Variants in MAPK10 observed in about 807,000 individuals in gnomAD.
MAPK10 encodes mitogen-activated protein kinase 10.
A neutral mutation model predicts 59.3 loss-of-function variants in MAPK10; 25 were observed. The observed-to-expected ratio is 0.42, with a 90% confidence interval of 0.31 to 0.59. MAPK10 has a LOEUF of 0.59. MAPK10 is among the 20% of genes least tolerant of loss of function. The pLI is 0.15. For missense variants in MAPK10, 351 were observed against 568.9 expected (o/e 0.62, Z 3.90); for synonymous variants, 190 against 200.5 (o/e 0.95, Z 0.44).
chr4:86,289,555 T>G (rs1363150146), intron 2 of MAPK10, among the ~76,000 whole-genome samples: 1 of 150,680 alleles, frequency 6.6e-6, no homozygotes, highest in East Asian at 1.9e-4. Context: ...AAATTATGTT[T>G]CTATATTTAT....
chr4:86,302,436 C>T (rs115141810), intron 2 of MAPK10, among the ~76,000 whole-genome samples: 30 of 152,276 alleles, frequency 2.0e-4, no homozygotes, highest in African/African-American at 6.7e-4. Context: ...CATTTGGCAA[C>T]ACCACACAGC....
Position 86,423,696 on chromosome 4 carries a change from T to C in MAPK10, c.-122+29334A>G, listed in dbSNP as rs537060231. Among the ~76,000 whole-genome samples the C allele has an allele frequency of 2.1e-4, 31 of 150,304 alleles. No individual in the cohort carries two copies. The South Asian group carries it at 6.1e-3, about 30-fold the overall frequency. ...GAATGGTGTGAGACTTCACCTATTGTGTGTTATGAGTACTAAGTAGCCTGG... is the reference window on the plus strand; with the variant it reads ...GAATGGTGTGAGACTTCACCTATTGCGTGTTATGAGTACTAAGTAGCCTGG... On this transcript the variant is annotated intron_variant, in intron 1 of 13. Coordinates refer to the MAPK10 transcript ENST00000361569.
intron 1 of MAPK10, among the ~76,000 whole-genome samples, chr4:86,496,802 C>A (rs528482511): frequency 2.0e-5 from 3 of 152,214 alleles, no homozygotes; most frequent in Middle Eastern, 3.4e-3. Flanking sequence ...ATTCCCCCCC[C>A]ACCCAACAAA....
At chr4:86,376,226 C>A (rs1739790234) in intron 1 of MAPK10, among the ~76,000 whole-genome samples, 1 of 152,114 alleles carries the variant, frequency 6.6e-6, no homozygotes, top group Non-Finnish European at 1.5e-5. Context: ...ATCTTTTCTT[C>A]TCCCCACTCA....
At chr4:86,376,110 A>G (rs961776552) in intron 1 of MAPK10, among the ~76,000 whole-genome samples, 1 of 152,302 alleles carries the variant, frequency 6.6e-6, no homozygotes, top group Non-Finnish European at 1.5e-5. Flanking sequence ...CAATAACATC[A>G]CTTGCTTCTA....
chr4:86,027,852 A>T (rs748374138), intron 13 of MAPK10: 1 of 152,218 alleles, frequency 6.6e-6, no homozygotes, highest in African/African-American at 2.4e-5. Flanking sequence ...TATAGAAAGG[A>T]AAGATCCTAT....
chr4:86,147,712 TTTA>T (rs1415222731), intron 4 of MAPK10, among the ~76,000 whole-genome samples: 2 of 152,238 alleles, frequency 1.3e-5, no homozygotes, highest in Admixed American at 6.5e-5. Context: ...ATCTGTGATA[TTTA>T]TTATCAAATC....
intron 3 of MAPK10, among the ~76,000 whole-genome samples, chr4:86,173,372 A>G (rs1342749930): frequency 1.3e-5 from 2 of 152,212 alleles, no homozygotes; most frequent in Non-Finnish European, 2.9e-5. Context: ...CAATGGGAAA[A>G]GGATTCTCTA....
rs149338520 is a variant in MAPK10, at chr4:86,561,660, A to C, written c.-263+32250T>G. Among the ~76,000 whole-genome samples, 508 of 152,340 alleles carry C rather than the reference A, an allele frequency of 3.3e-3. 1 individual carries two copies. Among genetic ancestry groups the C allele is most frequent in the African/African-American group, 0.012 (491 of 41,578 alleles). On this transcript the variant is annotated intron_variant, in intron 1 of 4. Coordinates refer to the MAPK10 transcript ENST00000502302. ...AGAGAAGGTGATTGAGTAATAGTCT[A>C]ATTGTTAAGACTTAATTACTTAAAA...
At chr4:86,593,668 G>C (rs1240691540) in intron 1 of MAPK10, 1 of 152,150 alleles carries the variant, frequency 6.6e-6, no homozygotes, top group African/African-American at 2.4e-5. Flanking sequence ...GTTTTCCCTA[G>C]GGCATTTGGC....
intron 1 of MAPK10, among the ~76,000 whole-genome samples, chr4:86,570,063 A>G (rs1381216800): frequency 1.3e-5 from 2 of 152,192 alleles, no homozygotes; most frequent in African/African-American, 4.8e-5. Context: ...CCAAGACTCA[A>G]ATATCTTCAT....
chr4:86,086,494 A>T (rs1212747282), intron 9 of MAPK10, among the ~76,000 whole-genome samples: 1 of 152,190 alleles, frequency 6.6e-6, no homozygotes, highest in Non-Finnish European at 1.5e-5. Flanking sequence ...GCATGCCTGT[A>T]TCAAAACATC....
chr4:86,352,524 G>C (rs1732085619), intron 2 of MAPK10, among the ~76,000 whole-genome samples: 1 of 152,140 alleles, frequency 6.6e-6, no homozygotes, highest in Admixed American at 6.6e-5. Flanking sequence ...GAGATGCACA[G>C]ATAGATGGAA....
intron 3 of MAPK10, among the ~76,000 whole-genome samples, chr4:86,187,175 C>T (rs1218170414): frequency 2.0e-5 from 3 of 152,066 alleles, no homozygotes; most frequent in African/African-American, 7.2e-5. Flanking sequence ...TGCCTGAAAC[C>T]ACAGATAGCA....
intron 1 of MAPK10, among the ~76,000 whole-genome samples, chr4:86,424,315 A>T (rs1419641904): frequency 6.6e-6 from 1 of 151,922 alleles, no homozygotes; most frequent in Non-Finnish European, 1.5e-5. Flanking sequence ...TCAGCTTCCC[A>T]AGTAGCTGGG....
intron 4 of MAPK10, among the ~76,000 whole-genome samples, chr4:86,149,781 A>G (rs1185572576): frequency 6.6e-6 from 1 of 152,134 alleles, no homozygotes; most frequent in Admixed American, 6.6e-5. Context: ...TTCCAGCCCC[A>G]TCTTCAGATA....
At chr4:86,382,369 C>T (rs1257619316) in intron 1 of MAPK10, among the ~76,000 whole-genome samples, 1 of 152,162 alleles carries the variant, frequency 6.6e-6, no homozygotes, top group African/African-American at 2.4e-5. Flanking sequence ...CCTTGCCTGG[C>T]CAGCCCCACA....
chr4:86,376,394 CTG>C (rs1194164067), intron 1 of MAPK10, among the ~76,000 whole-genome samples: 1 of 152,152 alleles, frequency 6.6e-6, no homozygotes, highest in East Asian at 1.9e-4. Flanking sequence ...TAAGTAAACA[CTG>C]TAAAACCCAT....
chr4:86,547,473 G>A (rs1003553865), intron 1 of MAPK10, among the ~76,000 whole-genome samples: 4 of 152,216 alleles, frequency 2.6e-5, no homozygotes, highest in African/African-American at 7.2e-5. Context: ...ATTTCTCGCC[G>A]GGCCTTAGTT....
Sources: gnomAD v4.1 joint callset for allele counts (sites outside exome capture counted in the v4.1 genomes callset) on GRCh38, gnomAD v4.1.1 for gene constraint, MANE v1.5 for transcripts, NCBI Gene and HGNC (gene_info 2026-07-23, HGNC 2026-07-21) for gene names.